The following TRA2A variants were observed in gnomAD, a reference collection of about 807,000 sequenced individuals.
The protein encoded by TRA2A is transformer-2 protein homolog alpha.
In TRA2A, 31 loss-of-function variants were observed where a neutral mutation model predicts 45.7. The observed-to-expected ratio is 0.68, with a 90% CI of 0.51 to 0.92. TRA2A has a LOEUF of 0.92. Among genes scored for constraint, TRA2A ranks in the 40% least tolerant of loss-of-function variants. The probability of loss-of-function intolerance (pLI) is 0.00; values close to 1 mark genes in which losing one functional copy is unlikely to be tolerated. For missense variants in TRA2A, 304 were observed against 367.5 expected, an observed-to-expected ratio of 0.83 and a Z score of 1.41; for synonymous variants, 132 against 126.2, an observed-to-expected ratio of 1.05 and a Z score of -0.31.
chr7:23,518,014 C>G (rs992420277), intron 2 of TRA2A, among the ~76,000 whole-genome samples: 1 of 152,052 alleles, frequency 6.6e-6, no homozygotes, highest in Non-Finnish European at 1.5e-5. Context: ...TCTCAGCTCA[C>G]TGCAACCTCT....
At chr7:23,514,131 G>A (rs997392966) in intron 3 of TRA2A, among the ~76,000 whole-genome samples, 16 of 150,092 alleles carry the variant, frequency 1.1e-4, no homozygotes, top group African/African-American at 2.7e-4. Flanking sequence ...GCAATGGTGC[G>A]ATCTTGGCTC....
In TRA2A at chr7:23,513,102, T is replaced by C. The variant is rs370552511; in HGVS notation, c.337-20A>G. On this transcript the variant is annotated intron_variant, in intron 3 of 7. Transcript: ENST00000297071. ...ATTTGCCTATTGAATGGAAATATTA[T>C]TTAAAACTCCAAATTAAAATCAAAA... 3.6e-5 allele frequency: 55 copies of C among 1,546,840 alleles called. No individual in the cohort carries two copies. The highest frequency in any genetic ancestry group is 4.6e-5 in the Non-Finnish European group (52 of 1,139,734).
chr7:23,522,876 G>C (rs1399212117), intron 1 of TRA2A, among the ~76,000 whole-genome samples: 3 of 151,982 alleles, frequency 2.0e-5, no homozygotes, highest in African/African-American at 7.2e-5. Context: ...TGAAATATTT[G>C]TACACACCTA....
chr7:23,506,233 ACCG>A lies in TRA2A; in HGVS notation c.672_674del (p.Gly231del). On this transcript the variant is annotated inframe_deletion, in exon 6 of 8. Coordinates refer to ENST00000297071, the MANE Select transcript of TRA2A (RefSeq NM_013293.5). ...GACGTCTGCCACCACCTCCACCTCCACCGCCGCCGCCTCCTCCACCACCCCCAC... is the reference window on the plus strand; with the variant it reads ...GACGTCTGCCACCACCTCCACCTCCACCGCCGCCTCCTCCACCACCCCCAC... 1 of 1,607,274 alleles carries A rather than the reference ACCG, an allele frequency of 6.2e-7. No individual in the cohort carries two copies. The highest frequency in any genetic ancestry group is 8.5e-7 in the Non-Finnish European group (1 of 1,174,636).
At chr7:23,527,944 A>C (rs1276897174) in intron 1 of TRA2A, among the ~76,000 whole-genome samples, 3 of 152,150 alleles carry the variant, frequency 2.0e-5, no homozygotes, top group Non-Finnish European at 2.9e-5. Context: ...CTTAAATGGA[A>C]GGGGAGAGGA....
intron 2 of TRA2A, among the ~76,000 whole-genome samples, chr7:23,519,966 G>A (rs1031891815): frequency 2.0e-5 from 3 of 152,180 alleles, no homozygotes; most frequent in African/African-American, 4.8e-5. Flanking sequence ...AGTGGCTCAC[G>A]CCTGTAATCC....
intron 2 of TRA2A, among the ~76,000 whole-genome samples, chr7:23,519,115 C>T (rs889150066): frequency 2.1e-4 from 32 of 152,138 alleles, no homozygotes; most frequent in African/African-American, 7.7e-4. Context: ...TCCGACAGGC[C>T]GGGCACGGTG....
intron 1 of TRA2A, chr7:23,531,465 G>A (rs1790579973): frequency 2.6e-6 from 1 of 377,710 alleles, no homozygotes; most frequent in Non-Finnish European, 4.7e-6. Context: ...CCGCCCAACC[G>A]CGACGGGGAC....
At position 23,521,707 on chromosome 7, in the gene TRA2A, C is replaced by G; in HGVS notation, c.170G>C (p.Arg57Thr). 6.2e-7 allele frequency: 1 copy of G among 1,613,980 alleles called. No homozygotes were observed. The highest frequency in any genetic ancestry group is 8.5e-7 in the Non-Finnish European group (1 of 1,179,948). ...ESHSRSRSKS[R>T]SRSRRHSHRR... ...TAAGTATTATCTTAAACACACTTAC[C>G]TGGATTTTGATCTTGATCGAGAATG... The change falls in exon 2 of 8, where the codon AGG becomes ACG. Residue 57 changes from arginine to threonine, a missense_variant and splice_region_variant. Around this residue, in one of 3 missense-constraint regions of TRA2A, gnomAD observed 132 missense variants for 113.4 expected, o/e 1.16. Transcript: ENST00000297071.
At chr7:23,517,431 T>C (rs1443427521) in intron 2 of TRA2A, among the ~76,000 whole-genome samples, 2 of 127,774 alleles carry the variant, frequency 1.6e-5, no homozygotes, top group Admixed American at 9.6e-5. Context: ...TGGGCTGAGA[T>C]TGTGCCACCG....
intron 4 of TRA2A, among the ~76,000 whole-genome samples, chr7:23,509,086 A>T (rs1164154636): frequency 2.7e-5 from 4 of 150,876 alleles, no homozygotes; most frequent in Middle Eastern, 7.4e-3. Flanking sequence ...GCTCAAGTAA[A>T]TCCTCTTGCC....
intron 4 of TRA2A, among the ~76,000 whole-genome samples, chr7:23,511,244 G>A (rs185330413): frequency 1.5e-4 from 22 of 151,408 alleles, no homozygotes; most frequent in African/African-American, 1.9e-4. Flanking sequence ...GGTGGCGGGC[G>A]TCTGTAGTCC....
chr7:23,511,546 A>T (rs919063126), intron 4 of TRA2A, among the ~76,000 whole-genome samples: 5 of 152,042 alleles, frequency 3.3e-5, no homozygotes, highest in Non-Finnish European at 7.4e-5. Context: ...AATTCTTTAA[A>T]ATGCAATTTT....
At chr7:23,513,202 G>A (rs1789706058) in intron 3 of TRA2A, 120 bp from the exon 4 acceptor site, 2 of 737,686 alleles carry the variant, frequency 2.7e-6, no homozygotes, top group Admixed American at 6.5e-5. Context: ...CTAATAATTT[G>A]GAGATAAGAT....
chr7:23,517,625 A>C (rs990843458), intron 2 of TRA2A, among the ~76,000 whole-genome samples: 6 of 149,596 alleles, frequency 4.0e-5, no homozygotes, highest in Admixed American at 2.0e-4. Flanking sequence ...CAAAACAAAA[A>C]AAATCAGGCT....
In TRA2A at chr7:23,505,312, A is replaced by T. The variant is rs549468494; in HGVS notation, c.*247T>A. ...AAAAAAAAAATTTACAAAGCATAAC[A>T]TAACATTGGGGTTCTTTTTATACTC... On this transcript the variant is annotated 3_prime_UTR_variant, in exon 8 of 8. Transcript: ENST00000297071. The T allele has an allele frequency of 1.8e-5, 7 of 393,570 alleles. No individual in the cohort carries two copies. Among genetic ancestry groups the T allele is most frequent in the Admixed American group, 4.4e-5 (1 of 22,970 alleles). 24.4% of individuals were successfully genotyped at this position (393,570 alleles called of 1,614,324 possible).
At chr7:23,509,072 CT>C (rs1416570318) in intron 4 of TRA2A, among the ~76,000 whole-genome samples, 2 of 151,888 alleles carry the variant, frequency 1.3e-5, no homozygotes, top group African/African-American at 4.8e-5. Flanking sequence ...TCTCAAACTC[CT>C]GGGCTCAAGT....
At chr7:23,516,055 C>T (rs1562792957) in intron 3 of TRA2A, among the ~76,000 whole-genome samples, 2 of 151,872 alleles carry the variant, frequency 1.3e-5, no homozygotes, top group Admixed American at 1.3e-4. Flanking sequence ...ACCTGCAACC[C>T]CAGCTATTCA....
chr7:23,506,413 C>G (rs941897225), intron 5 of TRA2A, 147 bp from the exon 6 acceptor site: 9 of 993,180 alleles, frequency 9.1e-6, no homozygotes, highest in Non-Finnish European at 1.3e-5. Context: ...TTTACTGACT[C>G]CCATGGTATT....
Sources: gnomAD v4.1 joint callset for allele counts (sites outside exome capture counted in the v4.1 genomes callset) on GRCh38, gnomAD v4.1.1 for gene constraint, gnomAD v4.1.1 regional missense constraint, MANE v1.5 for transcripts, NCBI Gene and HGNC (gene_info 2026-07-23, HGNC 2026-07-21) for gene names.